Variants in MARCHF5 observed in about 807,000 individuals in gnomAD.
MARCHF5 encodes the protein E3 ubiquitin-protein ligase MARCHF5.
In MARCHF5, 5 loss-of-function variants were observed where a neutral mutation model predicts 36.5. The observed-to-expected ratio is 0.14, with a 90% CI of 0.07 to 0.29. The LOEUF (loss-of-function observed/expected upper bound fraction) is 0.29, where lower values mean the gene tolerates loss of function less well. Among genes scored for constraint, MARCHF5 ranks in the 10% least tolerant of loss-of-function variants. MARCHF5 has a pLI of 1.00. For synonymous variants in MARCHF5, 103 were observed against 109.9 expected, an observed-to-expected ratio of 0.94 and a Z score of 0.39; for missense variants, 179 against 336.3, an observed-to-expected ratio of 0.53 and a Z score of 3.66.
At chr10:92,324,386 G>C (rs1843328892) in intron 2 of MARCHF5, among the ~76,000 whole-genome samples, 1 of 151,870 alleles carries the variant, frequency 6.6e-6, no homozygotes, top group Non-Finnish European at 1.5e-5. Context: ...TTATGAGACG[G>C]AGTCTCACTC....
chr10:92,303,507 C>T (rs1293345125), intron 1 of MARCHF5, among the ~76,000 whole-genome samples: 1 of 152,016 alleles, frequency 6.6e-6, no homozygotes, highest in East Asian at 1.9e-4. Flanking sequence ...TTTCTTGGCA[C>T]TTAATGCTTG....
intron 1 of MARCHF5, among the ~76,000 whole-genome samples, chr10:92,309,011 A>G (rs1422939721): frequency 6.6e-6 from 1 of 152,180 alleles, no homozygotes; most frequent in Non-Finnish European, 1.5e-5. Context: ...GGCCAAGTGC[A>G]TGCTTTAAAT....
rs1843735956 is a variant in MARCHF5 at position 92,353,011 on chromosome 10, A to G, written c.*1804A>G. On this transcript the variant is annotated 3_prime_UTR_variant, in exon 6 of 6. Transcript: ENST00000358935. ...AGGCAGCCTTTACTAAAGTTATGCA[A>G]ACACACAGTTCCCCATTTACTACAT... The G allele has an allele frequency of 6.6e-6, 1 of 152,608 alleles. No individual in the cohort carries two copies. The highest frequency in any genetic ancestry group is 1.5e-5 in the Non-Finnish European group (1 of 68,042). 9.5% of individuals were successfully genotyped at this position (152,608 alleles called of 1,614,324 possible). A position where few individuals can be genotyped will look rare whatever the true frequency, so the allele number is the denominator to read the frequency against.
chr10:92,329,532 T>C (rs1166895771), intron 2 of MARCHF5, among the ~76,000 whole-genome samples: 5 of 152,190 alleles, frequency 3.3e-5, no homozygotes. Context: ...TTGTTTTTCC[T>C]CTAGCCACAT....
At chr10:92,292,232 G>T (rs758192253) in intron 1 of MARCHF5, among the ~76,000 whole-genome samples, 2 of 152,010 alleles carry the variant, frequency 1.3e-5, no homozygotes, top group Non-Finnish European at 2.9e-5. Context: ...GGCCCCAGTC[G>T]GTAAAACTCT....
chr10:92,318,243 A>C (rs975809190), intron 2 of MARCHF5, among the ~76,000 whole-genome samples: 1 of 151,890 alleles, frequency 6.6e-6, no homozygotes, highest in Non-Finnish European at 1.5e-5. Context: ...CCTCGGCAAC[A>C]TAGCAAAACT....
At chr10:92,296,817 T>A (rs967611245) in intron 1 of MARCHF5, among the ~76,000 whole-genome samples, 5 of 152,020 alleles carry the variant, frequency 3.3e-5, no homozygotes, top group Non-Finnish European at 5.9e-5. Flanking sequence ...TCTGTGAGAG[T>A]GTTATCCACA....
intron 2 of MARCHF5, among the ~76,000 whole-genome samples, chr10:92,338,935 C>T (rs1843537685): frequency 1.3e-5 from 2 of 151,892 alleles, no homozygotes; most frequent in African/African-American, 4.8e-5. Flanking sequence ...ATCTCAGTTA[C>T]TCGGGAGGCT....
In MARCHF5 at chr10:92,291,231, C is replaced by T. The variant is rs746842; in HGVS notation, c.-264C>T. 5.6e-6 allele frequency: 3 copies of T among 533,712 alleles called. No individual in the cohort carries two copies. Among genetic ancestry groups the T allele is most frequent in the Admixed American group, 3.9e-5 (1 of 25,566 alleles). 33.1% of individuals were successfully genotyped at this position (533,712 alleles called of 1,614,324 possible). A position where few individuals can be genotyped will look rare whatever the true frequency, so the allele number is the denominator to read the frequency against. ...GCCCGCGGTCCATGGACCGGAACCT[C>T]GGGCCGACGGACGGGAACCCGGGCC... is the stretch of plus-strand genomic sequence containing the variant. On this transcript the variant is annotated 5_prime_UTR_variant, in exon 1 of 6. Coordinates refer to ENST00000358935, the MANE Select transcript of MARCHF5 (RefSeq NM_017824.5).
At chr10:92,341,460 A>G (rs1843576603) in intron 3 of MARCHF5, among the ~76,000 whole-genome samples, 1 of 152,192 alleles carries the variant, frequency 6.6e-6, no homozygotes, top group Admixed American at 6.5e-5. Flanking sequence ...AATTAAAAAA[A>G]AGGAAAGAAA....
rs1418607660 is a variant in MARCHF5 at position 92,351,487 on chromosome 10, A to G, written c.*280A>G. On this transcript the variant is annotated 3_prime_UTR_variant, in exon 6 of 6. Coordinates refer to ENST00000358935, the MANE Select transcript of MARCHF5 (RefSeq NM_017824.5). ...TGGGTTTTGTTCATATTTTCTCCAG[A>G]CAGAAATGCAAAGATCAAACTGTGC... 1 of 235,594 alleles carries G rather than the reference A, an allele frequency of 4.2e-6. No individual in the cohort carries two copies. Among genetic ancestry groups the G allele is most frequent in the Non-Finnish European group, 8.1e-6 (1 of 123,398 alleles). 14.6% of individuals were successfully genotyped at this position (235,594 alleles called of 1,614,324 possible). A position where few individuals can be genotyped will look rare whatever the true frequency, so the allele number is the denominator to read the frequency against.
At chr10:92,319,131 G>A (rs927572927) in intron 2 of MARCHF5, among the ~76,000 whole-genome samples, 1 of 152,178 alleles carries the variant, frequency 6.6e-6, no homozygotes, top group Admixed American at 6.5e-5. Context: ...TGGCATTGTA[G>A]CTGTGGTAAC....
chr10:92,342,383 A>G (rs1044828206), intron 3 of MARCHF5, among the ~76,000 whole-genome samples: 1 of 152,052 alleles, frequency 6.6e-6, no homozygotes, highest in Non-Finnish European at 1.5e-5. Flanking sequence ...CCTGGCCTCA[A>G]GTGATCCTCC....
chr10:92,351,692 T>TA lies in MARCHF5; in HGVS notation c.*486dup, dbSNP rs1439509250. ...ATGAGGAAATGTAAATTAAATTAGT[T>TA]ATAAATAAATAACCAAAAATGTATG... On this transcript the variant is annotated 3_prime_UTR_variant, in exon 6 of 6. Transcript: ENST00000358935. 6.6e-6 allele frequency: 1 copy of TA among 152,636 alleles called. No homozygotes were observed. Among genetic ancestry groups the TA allele is most frequent in the African/African-American group, 2.4e-5 (1 of 41,420 alleles). The allele number at this position is 152,636 out of a possible 1,614,324, so 9.5% of individuals were successfully genotyped here. A position where few individuals can be genotyped will look rare whatever the true frequency, so the allele number is the denominator to read the frequency against.
chr10:92,317,891 C>T, intron 2 of MARCHF5, among the ~76,000 whole-genome samples: 1 of 151,880 alleles, frequency 6.6e-6, no homozygotes, highest in Admixed American at 6.6e-5. Flanking sequence ...GCTGGGATTA[C>T]AGGCACACGC....
intron 1 of MARCHF5, among the ~76,000 whole-genome samples, chr10:92,297,398 G>C (rs1291552125): frequency 1.3e-5 from 2 of 151,434 alleles, no homozygotes; most frequent in Non-Finnish European, 2.9e-5. Flanking sequence ...TCAAACTCCT[G>C]GGCTCAAGTG....
Position 92,291,261 on chromosome 10 carries a change from T to C in MARCHF5, c.-234T>C. 1 of 541,100 alleles carries C rather than the reference T, an allele frequency of 1.8e-6. No individual in the cohort carries two copies. The highest frequency in any genetic ancestry group is 3.9e-5 in the Admixed American group (1 of 25,546). The allele number at this position is 541,100 out of a possible 1,614,324, so 33.5% of individuals were successfully genotyped here. ...CGACGGACGGGAACCCGGGCCGCGA[T>C]CGCCGCCTCCCCGCCTCAGGCTCCT... On this transcript the variant is annotated 5_prime_UTR_variant, in exon 1 of 6. Transcript: ENST00000358935.
chr10:92,348,586 A>C (rs1843683733), intron 3 of MARCHF5, among the ~76,000 whole-genome samples: 1 of 116,880 alleles, frequency 8.6e-6, no homozygotes, highest in African/African-American at 3.2e-5. Context: ...CACAAATGCC[A>C]ATTTTGTATT....
At chr10:92,334,624 C>T (rs989128999) in intron 2 of MARCHF5, 2 of 152,206 alleles carry the variant, frequency 1.3e-5, no homozygotes, top group African/African-American at 2.4e-5. Flanking sequence ...GTATTACCTA[C>T]CTGCCCTTCA....
Sources: allele counts gnomAD v4.1 joint callset (sites outside exome capture counted in the v4.1 genomes callset), GRCh38; gene constraint gnomAD v4.1.1; transcripts MANE v1.5; gene names NCBI Gene and HGNC (gene_info 2026-07-23, HGNC 2026-07-21).